KIF26B: variants seen among roughly 807,000 people sequenced by gnomAD.
The protein encoded by KIF26B is kinesin-like protein KIF26B.
A neutral mutation model predicts 151.2 loss-of-function variants in KIF26B; 63 were observed. That is an observed-to-expected ratio of 0.42 (90% CI 0.34 to 0.51). The LOEUF (loss-of-function observed/expected upper bound fraction) is 0.51, where lower values mean the gene tolerates loss of function less well. KIF26B is among the 20% of genes least tolerant of loss of function. The pLI is 0.07. For synonymous variants in KIF26B, 1,357 were observed against 1,262.1 expected (o/e 1.08, Z -1.59); for missense variants, 2,813 against 2,913.6 (o/e 0.97, Z 0.79).
rs1326814260 is a variant in KIF26B, at chr1:245,686,880, A to G, written c.3897A>G (p.Ile1299Met). Residue 1299 changes from isoleucine (I) to methionine (M), a missense_variant, in exon 12 of 15, where the codon ATA (isoleucine) becomes ATG (methionine). Physicochemically the swap from Ile to Met is conservative, Grantham distance 10. Coordinates refer to ENST00000407071, the MANE Select transcript of KIF26B (RefSeq NM_018012.4). This position sits in a 1 kb window ranked among gnomAD's most constrained non-coding sequence, Gnocchi z 5.6. ...GTGAGCAGTCGTGCCACAGTTTCAT[A>G]GCCCAGACGTGTTTTGGGCACGGGG... ...SEGEQSCHSF[I>M]AQTCFGHGEA... 6.2e-7 allele frequency: 1 copy of G among 1,613,602 alleles called. No individual in the cohort carries two copies. Among genetic ancestry groups the G allele is most frequent in the Middle Eastern group, 1.7e-4 (1 of 6,060 alleles).
At chr1:245,437,500 CT>C (rs1189232772) in intron 4 of KIF26B, among the ~76,000 whole-genome samples, 1 of 152,218 alleles carries the variant, frequency 6.6e-6, no homozygotes, top group African/African-American at 2.4e-5. Context: ...TCTGAAAGAT[CT>C]GCAGTGGATT....
chr1:245,315,653 C>T (rs1343405055), intron 2 of KIF26B, among the ~76,000 whole-genome samples: 2 of 146,926 alleles, frequency 1.4e-5, no homozygotes, highest in Non-Finnish European at 1.5e-5. Flanking sequence ...ACTCAGGAGG[C>T]GGAGGTTGCA....
chr1:245,677,610 G>A (rs1436147008), intron 10 of KIF26B, among the ~76,000 whole-genome samples: 3 of 152,212 alleles, frequency 2.0e-5, no homozygotes, highest in Non-Finnish European at 4.4e-5. Flanking sequence ...CATGCCCTAA[G>A]GCATTAGCAT....
At chr1:245,351,451 C>G (rs1382061896) in intron 2 of KIF26B, among the ~76,000 whole-genome samples, 2 of 151,926 alleles carry the variant, frequency 1.3e-5, no homozygotes, top group Non-Finnish European at 1.5e-5. Flanking sequence ...TATGCCTTTT[C>G]CCGTCTTAAA....
chr1:245,604,519 A>T (rs997910210), intron 6 of KIF26B, among the ~76,000 whole-genome samples: 1 of 152,226 alleles, frequency 6.6e-6, no homozygotes, highest in African/African-American at 2.4e-5. Context: ...GGGCTCAGTA[A>T]TTTAAACCTG....
chr1:245,674,349 T>C (rs2044331351), intron 10 of KIF26B, among the ~76,000 whole-genome samples: 1 of 151,326 alleles, frequency 6.6e-6, no homozygotes, highest in African/African-American at 2.4e-5. Context: ...CAGAGTCGTG[T>C]TTGCATTCTA....
intron 3 of KIF26B, among the ~76,000 whole-genome samples, chr1:245,413,335 T>C (rs1322350277): frequency 6.6e-6 from 1 of 152,054 alleles, no homozygotes; most frequent in Non-Finnish European, 1.5e-5. Context: ...TTCCTAAGAG[T>C]CTAACACGCA....
chr1:245,439,878 AC>A (rs1659026037), intron 4 of KIF26B, among the ~76,000 whole-genome samples: 1 of 152,186 alleles, frequency 6.6e-6, no homozygotes, highest in East Asian at 1.9e-4. Flanking sequence ...GAAAGGTACC[AC>A]CTTACCCTTG....
chr1:245,494,559 AGTT>A (rs1660474336), intron 4 of KIF26B, among the ~76,000 whole-genome samples: 2 of 152,146 alleles, frequency 1.3e-5, no homozygotes, highest in Admixed American at 1.3e-4. Context: ...CTTTCTCATA[AGTT>A]GTTTCAATGA....
intron 2 of KIF26B, among the ~76,000 whole-genome samples, chr1:245,226,403 G>A (rs557239929): frequency 3.2e-4 from 49 of 152,102 alleles, no homozygotes; most frequent in African/African-American, 1.1e-3. Context: ...TCTCTTTGCC[G>A]CATTTGTGTT....
chr1:245,283,343 G>A (rs1218879411), intron 2 of KIF26B, among the ~76,000 whole-genome samples: 3 of 151,606 alleles, frequency 2.0e-5, no homozygotes, highest in Non-Finnish European at 4.4e-5. Flanking sequence ...CCCAAGCCCC[G>A]ACTCATCAGT....
At chr1:245,575,280 G>A (rs1049492670) in intron 5 of KIF26B, among the ~76,000 whole-genome samples, 1 of 151,886 alleles carries the variant, frequency 6.6e-6, no homozygotes, top group Admixed American at 6.5e-5. Context: ...TTCGAGACCA[G>A]CCTGGTCAAC....
chr1:245,242,597 T>C (rs576705393), intron 2 of KIF26B, among the ~76,000 whole-genome samples: 2 of 152,314 alleles, frequency 1.3e-5, no homozygotes, highest in South Asian at 4.1e-4. Flanking sequence ...AGTTGACACA[T>C]GTATAGTATT....
intron 4 of KIF26B, among the ~76,000 whole-genome samples, chr1:245,521,302 ACTCC>A (rs1463761774): frequency 3.3e-5 from 5 of 151,528 alleles, no homozygotes; most frequent in South Asian, 2.1e-4. Context: ...GCACCACTGC[ACTCC>A]ATCCAGCCTG....
chr1:245,640,122 G>GCGCTCTCTCT (rs1553299290), intron 9 of KIF26B, among the ~76,000 whole-genome samples: 2 of 53,974 alleles, frequency 3.7e-5, no homozygotes, highest in East Asian at 8.8e-4. Context: ...ACTAATATTT[G>GCGCTCTCTCT]CTCTCTCTCT....
chr1:245,176,062 C>T (rs1451835269), intron 2 of KIF26B, among the ~76,000 whole-genome samples: 1 of 151,724 alleles, frequency 6.6e-6, no homozygotes, highest in African/African-American at 2.4e-5. Context: ...GGCTGGGGAA[C>T]GAGCTCAGCT....
chr1:245,598,250 A>G (rs766294890), intron 5 of KIF26B, among the ~76,000 whole-genome samples: 20 of 152,150 alleles, frequency 1.3e-4, no homozygotes, highest in Non-Finnish European at 2.6e-4. Context: ...GAGGGCCTTC[A>G]TTGTGGGTAT....
chr1:245,600,499 A>AT (rs956683991), intron 5 of KIF26B, among the ~76,000 whole-genome samples: 2 of 149,500 alleles, frequency 1.3e-5, no homozygotes, highest in East Asian at 4.0e-4. Context: ...ACACCTGGCT[A>AT]TTTTTTTTTA....
At chr1:245,444,453 G>A (rs1659203320) in intron 4 of KIF26B, among the ~76,000 whole-genome samples, 2 of 152,256 alleles carry the variant, frequency 1.3e-5, no homozygotes, top group Non-Finnish European at 2.9e-5. Context: ...TACCTTGCAG[G>A]AGGCAGCGGG....
Sources: gnomAD v4.1 joint callset for allele counts (sites outside exome capture counted in the v4.1 genomes callset) on GRCh38, gnomAD v4.1.1 for gene constraint, Gnocchi (gnomAD v3.1) non-coding constraint, MANE v1.5 for transcripts, NCBI Gene and HGNC (gene_info 2026-07-23, HGNC 2026-07-21) for gene names.